Variants in KRT3 observed in about 807,000 individuals in gnomAD.
KRT3 encodes the protein keratin 3.
Under a neutral mutation model 45.8 loss-of-function variants are expected in KRT3, and 34 were observed. The ratio of observed to expected loss-of-function variants is 0.74; its 90% confidence interval spans 0.57 to 0.99. The LOEUF (loss-of-function observed/expected upper bound fraction) is 0.99. Ranked by LOEUF, KRT3 falls within the 50% of genes least tolerant of loss-of-function variation. The pLI, the probability that KRT3 is intolerant of heterozygous loss-of-function variation, is 0.00. For synonymous variants in KRT3, 367 were observed against 329.0 expected (o/e 1.12, Z -1.25); for missense variants, 828 against 820.6 (o/e 1.01, Z -0.11).
chr12:52,791,882 C>G (rs1939518122), intron 5 of KRT3, 66 bp from the exon 6 acceptor site: 3 of 1,538,514 alleles, frequency 1.9e-6, no homozygotes, highest in Non-Finnish European at 2.6e-6. Flanking sequence ...ACACCTCCAA[C>G]ATCACCCACC....
At chr12:52,792,664 A>G (rs1318973283) in intron 4 of KRT3, 47 bp downstream of exon 4, 1 of 1,385,954 alleles carries the variant, frequency 7.2e-7, no homozygotes, top group African/African-American at 1.4e-5. Context: ...CAAATCTGGA[A>G]ACACCTCACT....
At position 52,791,233 on chromosome 12, in the gene KRT3, C is replaced by T. The variant is rs60410063; in HGVS notation, c.1508G>A (p.Arg503His). 20 of 1,614,066 alleles carry T rather than the reference C, an allele frequency of 1.2e-5. No homozygotes were observed. The highest frequency in any genetic ancestry group is 5.5e-5 in the South Asian group (5 of 91,094). The change falls in exon 7 of 9, where the codon CGC becomes CAC. Residue 503 changes from arginine to histidine, a missense_variant. Coordinates refer to ENST00000417996, the MANE Select transcript of KRT3 (RefSeq NM_057088.3). ...LALDVEIATY[R>H]KLLEGEEYRM... ...GTACTCCTCGCCCTCCAGCAGCTTG[C>T]GGTAGGTGGCGATCTCCACGTCCAG...
rs115869052 is a variant in KRT3 at position 52,790,592 on chromosome 12, G to A, written c.1571-234C>T. ...ACAGTCTTGATGACCCCCTTGGAGG[G>A]GATCTAGCGTCTGAATTTATCCTCC... On this transcript the variant is annotated intron_variant, in intron 8 of 8. Transcript: ENST00000417996. 7.3e-3 allele frequency among the ~76,000 whole-genome samples: 1,109 copies of A among 152,254 alleles called. 14 individuals carry two copies. Among genetic ancestry groups the A allele is most frequent in the African/African-American group, 0.026 (1,068 of 41,534 alleles).
chr12:52,791,326 T>C lies in KRT3; in HGVS notation c.1415A>G (p.Gln472Arg). ...CCGCGCCAGGTCATCCTTCGCCTGC[T>C]GTAGAGCAGCCTGCAGCTCTTGGAG... ...AKLQELQAAL[Q>R]QAKDDLARLL... is the part of the protein sequence containing the mutation. The change falls in exon 7 of 9, where the codon CAG becomes CGG. Residue 472 changes from glutamine to arginine, a missense_variant. By Grantham distance (43) the Gln-to-Arg change is conservative. Transcript: ENST00000417996. 6.2e-7 allele frequency: 1 copy of C among 1,614,236 alleles called. No homozygotes were observed. Among genetic ancestry groups the C allele is most frequent in the Non-Finnish European group, 8.5e-7 (1 of 1,180,038 alleles).
intron 2 of KRT3, among the ~76,000 whole-genome samples, chr12:52,793,657 T>C (rs1278058292): frequency 2.6e-5 from 4 of 152,116 alleles, no homozygotes; most frequent in Non-Finnish European, 4.4e-5. Flanking sequence ...AGTGGTACAA[T>C]CTTGACTCAC....
Position 52,791,822 on chromosome 12 carries a change from G to A in KRT3, c.1189-6C>T. ...GTGGTCTGCAGCTCCCCCAACTGCA[G>A]AACAGAAGGGAAGATGGGGTATTCC... On this transcript the variant is annotated splice_polypyrimidine_tract_variant and splice_region_variant and intron_variant, in intron 5 of 8. Coordinates refer to ENST00000417996, the MANE Select transcript of KRT3 (RefSeq NM_057088.3). The A allele has an allele frequency of 6.2e-7, 1 of 1,612,930 alleles. No homozygotes were observed. Among genetic ancestry groups the A allele is most frequent in the East Asian group, 2.2e-5 (1 of 44,834 alleles).
intron 2 of KRT3, 76 bp downstream of exon 2, chr12:52,794,035 G>T (rs1463757747): frequency 5.4e-6 from 6 of 1,118,764 alleles, no homozygotes; most frequent in Non-Finnish European, 1.3e-6. Flanking sequence ...CCAGCAGTCA[G>T]GGGGCATGTA....
rs1036555234 is a variant in KRT3 at position 52,790,300 on chromosome 12, G to A, written c.1629C>T (p.Gly543=). 1.9e-6 allele frequency: 3 copies of A among 1,568,120 alleles called. No individual in the cohort carries two copies. The highest frequency in any genetic ancestry group is 2.4e-5 in the East Asian group (1 of 42,222). Residue 543 remains glycine (G), a synonymous_variant, in exon 9 of 9, where the codon GGC becomes GGT. Transcript: ENST00000417996. ...ASAGGYGGGY[G]GGMGGGLGGG... is the part of the protein sequence containing the mutation. Reference sequence around the variant, plus strand: ...CTCCTAAACCACCGCCCATGCCTCCGCCGTAACCTCCTCCATAGCCACCTG... The same window carrying A: ...CTCCTAAACCACCGCCCATGCCTCCACCGTAACCTCCTCCATAGCCACCTG...
chr12:52,791,494 G>A (rs2121218538), intron 6 of KRT3, 68 bp from the exon 7 acceptor site: 5 of 1,527,676 alleles, frequency 3.3e-6, no homozygotes, highest in African/African-American at 2.7e-5. Context: ...ACATGCAATG[G>A]ATTATCCCAT....
rs1299411672 is a variant in KRT3 at position 52,790,176 on chromosome 12, C to G, written c.1753G>C (p.Gly585Arg). 2 of 1,548,370 alleles carry G rather than the reference C, an allele frequency of 1.3e-6. No homozygotes were observed. Among genetic ancestry groups the G allele is most frequent in the Non-Finnish European group, 1.7e-6 (2 of 1,146,840 alleles). Residue 585 changes from glycine to arginine, a missense_variant, in exon 9 of 9, where the codon GGT (glycine) becomes CGT (arginine). Physicochemically the swap from Gly to Arg is moderately radical, Grantham distance 125. Transcript: ENST00000417996. ...GFGGGSSGFS[G>R]GSGFGSISGA... The stretch of plus-strand genomic sequence containing the variant: ...GAGATGGAGCCAAAGCCGCTGCCAC[C>G]GCTGAAACCGCTGCTGCCGCCGCCA...
At chr12:52,793,441 ATCCCAGGAAACCCCTCAG>A (rs920112789) in intron 2 of KRT3, among the ~76,000 whole-genome samples, 12 of 152,244 alleles carry the variant, frequency 7.9e-5, no homozygotes, top group African/African-American at 2.2e-4. Context: ...AAATTTCTGC[ATCCCAGGAAACCCCTCAG>A]TCCCAGGCAA....
Position 52,790,124 on chromosome 12 carries a change from C to T in KRT3, c.1805G>A (p.Gly602Glu), listed in dbSNP as rs1270523600. 1.3e-6 allele frequency: 2 copies of T among 1,546,040 alleles called. No individual in the cohort carries two copies. The highest frequency in any genetic ancestry group is 1.2e-5 in the South Asian group (1 of 84,048). ...CCGGTTGCTGGCCGAGCTGAAGCCC[C>T]CGCCACTGACTCCATAGCGGGCGCC... is the stretch of plus-strand genomic sequence containing the variant. ...ISGARYGVSG[G>E]GFSSASNRGG... Residue 602 changes from glycine (G) to glutamate (E), a missense_variant, in exon 9 of 9, where the codon GGG becomes GAG. Gly to Glu is a moderately conservative substitution (Grantham distance 98). Coordinates refer to ENST00000417996, the MANE Select transcript of KRT3 (RefSeq NM_057088.3).
rs144781715 is a variant in KRT3, at chr12:52,790,827, T to G, written c.1570+11A>C. On this transcript the variant is annotated intron_variant, in intron 8 of 8. Transcript: ENST00000417996. Reference sequence around the variant, plus strand: ...TTAACTCTCATTTTCTTAGCTACTTTCGGTACTTACAGATGCTGACAGCAC... The same window carrying G: ...TTAACTCTCATTTTCTTAGCTACTTGCGGTACTTACAGATGCTGACAGCAC... 192 of 1,588,110 alleles carry G rather than the reference T, an allele frequency of 1.2e-4. No homozygotes were observed. In the African/African-American group the frequency reaches 2.4e-3, roughly 20 times the overall value.
At chr12:52,792,938 C>T (rs1234182701) in intron 3 of KRT3, 132 bp from the exon 4 acceptor site, 2 of 717,454 alleles carry the variant, frequency 2.8e-6, no homozygotes, top group African/African-American at 3.5e-5. Context: ...CTTGAACGGG[C>T]AATTTGTATC....
In KRT3 at chr12:52,791,062, G is replaced by A. The variant is rs992999019; in HGVS notation, c.1535+144C>T. On this transcript the variant is annotated intron_variant, in intron 7 of 8. Coordinates refer to ENST00000417996, the MANE Select transcript of KRT3 (RefSeq NM_057088.3). ...ACTGGTTGCATACGTGCCCTGGGAG[G>A]GAGTGGGCTGGTAGAGGCAAATGCT... The A allele has an allele frequency of 3.5e-5, 48 of 1,369,494 alleles. No individual in the cohort carries two copies. The South Asian group carries it at 4.4e-4, about 13-fold the overall frequency. The allele number at this position is 1,369,494 out of a possible 1,614,324, so 84.8% of individuals were successfully genotyped here.
In KRT3 at chr12:52,795,336, T is replaced by C. The variant is rs993984864; in HGVS notation, c.645+62A>G. On this transcript the variant is annotated intron_variant, in intron 1 of 8. Coordinates refer to ENST00000417996, the MANE Select transcript of KRT3 (RefSeq NM_057088.3). ...ATCCAAGAAACATTTAAACACTGTG[T>C]CCCAAAGGTCAAATTCAAAGTCCCC... 2.5e-6 allele frequency: 4 copies of C among 1,593,318 alleles called. No individual in the cohort carries two copies. In the African/African-American group the frequency reaches 5.4e-5, roughly 21 times the overall value.
At position 52,795,584 on chromosome 12, in the gene KRT3, G is replaced by T. The variant is rs1442593340; in HGVS notation, c.459C>A (p.Gly153=). ...CAAAGCCACCAGGACTGCCCAAGCT[G>T]CCAGGCCCACCAAAGCCACCAGACC... The part of the protein sequence containing the change: ...FGGSGGFGGP[G]SLGSPGGFGP... The change falls in exon 1 of 9, where the codon GGC becomes GGA. Residue 153 remains glycine (G), a synonymous_variant. Transcript: ENST00000417996. The T allele has an allele frequency of 6.2e-7, 1 of 1,605,278 alleles. No individual in the cohort carries two copies. Among genetic ancestry groups the T allele is most frequent in the Non-Finnish European group, 8.5e-7 (1 of 1,175,702 alleles).
rs1206975306 is a variant in KRT3 at position 52,795,854 on chromosome 12, G to T, written c.189C>A (p.Asn63Lys). The change falls in exon 1 of 9, where the codon AAC (asparagine) becomes AAA (lysine). Residue 63 changes from asparagine (N) to lysine (K), a missense_variant. By Grantham distance (94) the Asn-to-Lys change is moderately conservative (BLOSUM62 0). Transcript: ENST00000417996. ...GSRSLYNLGG[N>K]KSISISVAAG... The stretch of plus-strand genomic sequence containing the variant: ...CTGCCACGCTGATGGAGATGCTCTT[G>T]TTGCCGCCCAGGTTGTAGAGGCTGC... The T allele has an allele frequency of 2.5e-6, 4 of 1,614,178 alleles. No individual in the cohort carries two copies. The highest frequency in any genetic ancestry group is 3.4e-6 in the Non-Finnish European group (4 of 1,180,022).
At position 52,791,778 on chromosome 12, in the gene KRT3, A is replaced by T. The variant is rs767546888; in HGVS notation, c.1227T>A (p.Asp409Glu). 3 of 1,614,114 alleles carry T rather than the reference A, an allele frequency of 1.9e-6. No individual in the cohort carries two copies. The Admixed American group carries it at 5.0e-5, about 27-fold the overall frequency. The change falls in exon 6 of 9, where the codon GAT becomes GAA. Residue 409 changes from aspartate (D) to glutamate (E), a missense_variant. Transcript: ENST00000417996. ...ELQTTAGRHGDDLRNTKSEII... is the reference protein window; with the variant it reads ...ELQTTAGRHGEDLRNTKSEII... ...TCTCGCTCTTGGTATTTCTTAGGTC[A>T]TCCCCATGCCTGCCAGCCGTGGTCT...
Sources: gnomAD v4.1 joint callset for allele counts (sites outside exome capture counted in the v4.1 genomes callset) on GRCh38, gnomAD v4.1.1 for gene constraint, MANE v1.5 for transcripts, NCBI Gene and HGNC (gene_info 2026-07-23, HGNC 2026-07-21) for gene names.